Variants in ZNF442 observed in about 807,000 individuals in gnomAD.
ZNF442 encodes the protein zinc finger protein 442.
In ZNF442, 45 loss-of-function variants were observed where a neutral mutation model predicts 57.0. That is an observed-to-expected ratio of 0.79 (90% CI 0.62 to 1.01). The LOEUF (loss-of-function observed/expected upper bound fraction) is 1.01. Among genes scored for constraint, ZNF442 ranks in the 50% least tolerant of loss-of-function variants. The pLI, the probability that ZNF442 is intolerant of heterozygous loss-of-function variation, is 0.00. For synonymous variants in ZNF442, 213 were observed against 241.8 expected (o/e 0.88, Z 1.10); for missense variants, 690 against 756.5 (o/e 0.91, Z 1.03).
chr19:12,355,025 C>T (rs758700189), intron 3 of ZNF442, among the ~76,000 whole-genome samples: 1 of 152,088 alleles, frequency 6.6e-6, no homozygotes, highest in Non-Finnish European at 1.5e-5. Flanking sequence ...GGAGCGGTGG[C>T]TCACGCCTGT....
intron 1 of ZNF442, 59 bp downstream of exon 1, chr19:12,365,474 C>T: frequency 2.3e-6 from 1 of 435,044 alleles, no homozygotes; most frequent in Non-Finnish European, 4.2e-6. Flanking sequence ...ACAGCCGGTT[C>T]TGGCCGGTTC....
In ZNF442 at chr19:12,347,544, T is replaced by C. The variant is rs1969147877; in HGVS notation, c.*2157A>G. 6.6e-6 allele frequency: 1 copy of C among 152,238 alleles called. No individual in the cohort carries two copies. The highest frequency in any genetic ancestry group is 1.5e-5 in the Non-Finnish European group (1 of 68,048). The allele number at this position is 152,238 out of a possible 1,614,324, so 9.4% of individuals were successfully genotyped here. On this transcript the variant is annotated 3_prime_UTR_variant, in exon 6 of 6. Coordinates refer to ENST00000242804, the MANE Select transcript of ZNF442 (RefSeq NM_030824.3). ...CATTGACAGGACAAGAGCACCGCCA[T>C]CTTTATAACACTCCACCATCCTAAG...
chr19:12,349,807 GT>G lies in ZNF442; in HGVS notation c.1777del (p.Thr593LeufsTer17). 6.2e-7 allele frequency: 1 copy of G among 1,614,042 alleles called. No homozygotes were observed. The highest frequency in any genetic ancestry group is 8.5e-7 in the Non-Finnish European group (1 of 1,179,994). On this transcript the variant is annotated frameshift_variant, in exon 6 of 6. Coordinates refer to ENST00000242804, the MANE Select transcript of ZNF442 (RefSeq NM_030824.3). LOFTEE classifies it high-confidence loss of function. ...RSRFLRGHEKTHTGEKMHECK... is the reference protein window; with the variant it reads ...RSRFLRGHEKXHTGEKMHECK... The stretch of plus-strand genomic sequence containing the variant: ...TTCATGCATCTTCTCTCCAGTGTGA[GT>G]TTTTTCATGTCCTCGAAGGAAACGA...
intron 3 of ZNF442, 86 bp downstream of exon 3, chr19:12,363,468 C>A: frequency 7.6e-7 from 1 of 1,318,716 alleles, no homozygotes; most frequent in South Asian, 1.2e-5. Flanking sequence ...GGAGATACTT[C>A]ACTGTGTGCT....
At chr19:12,372,373 C>T in the ZNF442 span, among the ~76,000 whole-genome samples, 9 of 151,982 alleles carry the variant, frequency 5.9e-5, no homozygotes, top group Admixed American at 2.6e-4. Context: ...GCAGGAGAAT[C>T]GCTTGAACCT....
chr19:12,350,025 T>C lies in ZNF442; in HGVS notation c.1560A>G (p.Thr520=). The C allele has an allele frequency of 6.2e-7, 1 of 1,614,164 alleles. No homozygotes were observed. ...CAAAATGACTGAAGGCTTTCTTACATGTTTTACATTCATAAGGTTTTTCAG... is the reference window on the plus strand; with the variant it reads ...CAAAATGACTGAAGGCTTTCTTACACGTTTTACATTCATAAGGTTTTTCAG... ...HMAEKPYECK[T]CKKAFSHFGN... Residue 520 remains threonine (T), a synonymous_variant, in exon 6 of 6, where the codon ACA becomes ACG. Transcript: ENST00000242804.
intron 3 of ZNF442, among the ~76,000 whole-genome samples, chr19:12,354,585 G>A (rs570291215): frequency 8.5e-4 from 128 of 151,230 alleles, no homozygotes; most frequent in African/African-American, 2.9e-3. Flanking sequence ...TTTTTTGGAG[G>A]GGGGAGACAG....
the ZNF442 span, chr19:12,373,642 C>T: frequency 3.4e-6 from 1 of 297,574 alleles, no homozygotes; most frequent in Non-Finnish European, 6.9e-6. Flanking sequence ...TTCAAACCAG[C>T]ATGGTCTGAT....
At chr19:12,360,811 T>A (rs1211447873) in intron 3 of ZNF442, among the ~76,000 whole-genome samples, 1 of 151,908 alleles carries the variant, frequency 6.6e-6, no homozygotes, top group Non-Finnish European at 1.5e-5. Flanking sequence ...ACCTGAGAGG[T>A]GATGCTCGCA....
intron 3 of ZNF442, among the ~76,000 whole-genome samples, chr19:12,354,379 A>G (rs28602668): frequency 0.048 from 7,351 of 152,302 alleles, 587 homozygotes; most frequent in African/African-American, 0.17. Context: ...GACAGATTGC[A>G]CATGTTCTTA....
At chr19:12,372,508 C>G in the ZNF442 span, among the ~76,000 whole-genome samples, 1 of 151,946 alleles carries the variant, frequency 6.6e-6, no homozygotes, top group Non-Finnish European at 1.5e-5. Flanking sequence ...ATGCAATCAT[C>G]TAGAGGAATA....
chr19:12,364,482 C>T (rs950458899), intron 2 of ZNF442, among the ~76,000 whole-genome samples: 2 of 151,374 alleles, frequency 1.3e-5, no homozygotes, highest in South Asian at 2.1e-4. Flanking sequence ...AATTAAAATA[C>T]TGGGACTCTG....
At chr19:12,356,772 A>G (rs1469896379) in intron 3 of ZNF442, among the ~76,000 whole-genome samples, 3 of 152,188 alleles carry the variant, frequency 2.0e-5, no homozygotes, top group Non-Finnish European at 4.4e-5. Context: ...AGCAAAAACC[A>G]ATGGAGATAT....
chr19:12,369,398 C>A (rs1969563054), upstream of ZNF442, among the ~76,000 whole-genome samples: 1 of 152,150 alleles, frequency 6.6e-6, no homozygotes, highest in Non-Finnish European at 1.5e-5. Flanking sequence ...GCGGGTGGAT[C>A]ACCTGAGGTC....
Position 12,349,082 on chromosome 19 carries a change from T to C in ZNF442, c.*619A>G, listed in dbSNP as rs1405598151. On this transcript the variant is annotated 3_prime_UTR_variant, in exon 6 of 6. Transcript: ENST00000242804. ...TGGGTGTGGTGGCATGCATCTGTAA[T>C]CCCAGCTACTCAGGAGGCTAAGACA... is the stretch of plus-strand genomic sequence containing the variant. 1 of 140,556 alleles carries C rather than the reference T, an allele frequency of 7.1e-6. No individual in the cohort carries two copies. The highest frequency in any genetic ancestry group is 2.6e-5 in the African/African-American group (1 of 38,042). The allele number at this position is 140,556 out of a possible 1,614,324, so 8.7% of individuals were successfully genotyped here.
Position 12,365,518 on chromosome 19 carries a change from GC to G in ZNF442, c.-483+14del. 2 of 568,658 alleles carry G rather than the reference GC, an allele frequency of 3.5e-6. No homozygotes were observed. Among genetic ancestry groups the G allele is most frequent in the Non-Finnish European group, 3.1e-6 (1 of 320,330 alleles). 35.2% of individuals were successfully genotyped at this position (568,658 alleles called of 1,614,324 possible). A position where few individuals can be genotyped will look rare whatever the true frequency, so the allele number is the denominator to read the frequency against. ...CCTTCGCCCTGCCCCAGGACGCCGG[GC>G]CCCGCACACTCACCATTTCCCGGCT... is the stretch of plus-strand genomic sequence containing the variant. On this transcript the variant is annotated intron_variant, in intron 1 of 5. Coordinates refer to ENST00000242804, the MANE Select transcript of ZNF442 (RefSeq NM_030824.3).
chr19:12,371,877 C>G, the ZNF442 span, among the ~76,000 whole-genome samples: 1 of 152,142 alleles, frequency 6.6e-6, no homozygotes, highest in South Asian at 2.1e-4. Flanking sequence ...ATCCTGTACA[C>G]AGGAACAGGC....
rs1052462199 is a variant in ZNF442, at chr19:12,347,947, T to C, written c.*1754A>G. ...TCTCTGCAGATAATGATGATAATGATGATGCAGAAGACTTAGAAGAGGTAA... is the reference window on the plus strand; with the variant it reads ...TCTCTGCAGATAATGATGATAATGACGATGCAGAAGACTTAGAAGAGGTAA... On this transcript the variant is annotated 3_prime_UTR_variant, in exon 6 of 6. Transcript: ENST00000242804. 3.3e-5 allele frequency: 5 copies of C among 152,186 alleles called. No individual in the cohort carries two copies. Among genetic ancestry groups the C allele is most frequent in the Non-Finnish European group, 7.3e-5 (5 of 68,044 alleles). 9.4% of individuals were successfully genotyped at this position (152,186 alleles called of 1,614,324 possible). A position where few individuals can be genotyped will look rare whatever the true frequency, so the allele number is the denominator to read the frequency against.
chr19:12,364,025 GT>G (rs1281461484), intron 2 of ZNF442, among the ~76,000 whole-genome samples: 1 of 152,032 alleles, frequency 6.6e-6, no homozygotes, highest in Non-Finnish European at 1.5e-5. Context: ...AGACACAAAG[GT>G]TTTTTTGTTT....
Sources: gnomAD v4.1 joint callset for allele counts (sites outside exome capture counted in the v4.1 genomes callset) on GRCh38, gnomAD v4.1.1 for gene constraint, MANE v1.5 for transcripts, NCBI Gene and HGNC (gene_info 2026-07-23, HGNC 2026-07-21) for gene names.